The following SEMA4F variants were observed in gnomAD, a reference collection of about 807,000 sequenced individuals.
SEMA4F encodes the protein semaphorin-4F.
A neutral mutation model predicts 78.4 loss-of-function variants in SEMA4F; 51 were observed. That is an observed-to-expected ratio of 0.65 (90% CI 0.52 to 0.82). SEMA4F has a LOEUF of 0.82. SEMA4F is among the 40% of genes least tolerant of loss of function. The pLI is 0.00. For synonymous variants in SEMA4F, 418 were observed against 408.7 expected (o/e 1.02, Z -0.27); for missense variants, 938 against 1,014.4 (o/e 0.92, Z 1.02).
chr2:74,675,185 C>G lies in SEMA4F; in HGVS notation c.1173C>G (p.Leu391=). ...PGECITNNMK[L]RHFGSSLSLP... is the part of the protein sequence containing the mutation. Reference sequence around the variant, plus strand: ...AGTGCATCACCAACAACATGAAGCTCCGGCACTTTGGCTCATCTCTCTCCC... The same window carrying G: ...AGTGCATCACCAACAACATGAAGCTGCGGCACTTTGGCTCATCTCTCTCCC... The change falls in exon 10 of 14, where the codon CTC becomes CTG. Residue 391 remains leucine (L), a synonymous_variant. Transcript: ENST00000357877. 6.2e-7 allele frequency: 1 copy of G among 1,614,162 alleles called. No homozygotes were observed.
chr2:74,688,614 A>G (rs973931567), downstream of SEMA4F, among the ~76,000 whole-genome samples: 2 of 152,228 alleles, frequency 1.3e-5, no homozygotes, highest in African/African-American at 4.8e-5. Flanking sequence ...ATATTACATT[A>G]TCAATGATCA....
Position 74,679,729 on chromosome 2 carries a change from G to A in SEMA4F, c.1833G>A (p.Arg611=). 1 of 1,614,174 alleles carries A rather than the reference G, an allele frequency of 6.2e-7. No individual in the cohort carries two copies. Among genetic ancestry groups the A allele is most frequent in the Admixed American group, 1.7e-5 (1 of 60,024 alleles). Residue 611 remains arginine, a synonymous_variant, in exon 14 of 14, where the codon CGG becomes CGA. Coordinates refer to ENST00000357877, the MANE Select transcript of SEMA4F (RefSeq NM_004263.5). ...GAGTGACTGCACTCACCCCCCGGCG[G>A]GATGGACTGGAGGTGGTGGTGACCC... ...PSGVTALTPR[R]DGLEVVVTPG... is the part of the protein sequence containing the mutation.
In SEMA4F at chr2:74,675,520, C is replaced by T; in HGVS notation, c.1373-5C>T. 1 of 1,612,840 alleles carries T rather than the reference C, an allele frequency of 6.2e-7. No homozygotes were observed. The highest frequency in any genetic ancestry group is 8.5e-7 in the Non-Finnish European group (1 of 1,178,812). ...AATTATTCTTGTTCCTTTCCTGTCC[C>T]CTAGAGGATGGACACCTCCACCGAG... On this transcript the variant is annotated splice_polypyrimidine_tract_variant and splice_region_variant and intron_variant, in intron 10 of 13. Transcript: ENST00000357877.
At chr2:74,674,838 G>T (rs1217876532) in intron 8 of SEMA4F, 50 bp from the exon 9 acceptor site, 2 of 1,593,866 alleles carry the variant, frequency 1.3e-6, no homozygotes, top group Non-Finnish European at 1.7e-6. Context: ...GGGATGAGTT[G>T]CTATCCCCCA....
chr2:74,690,272 T>A, the SEMA4F span, among the ~76,000 whole-genome samples: 1 of 152,234 alleles, frequency 6.6e-6, no homozygotes, highest in Non-Finnish European at 1.5e-5. Flanking sequence ...GATAATGTAT[T>A]TCCACTGTTA....
Position 74,679,262 on chromosome 2 carries a change from T to G in SEMA4F, c.1644-14T>G. 6.2e-7 allele frequency: 1 copy of G among 1,606,182 alleles called. No homozygotes were observed. Among genetic ancestry groups the G allele is most frequent in the South Asian group, 1.1e-5 (1 of 90,876 alleles). ...TGTTCACACTGGATTTACCAAGCAT[T>G]CTCTTCTTTATAGGTTGGTCCAAGA... On this transcript the variant is annotated splice_polypyrimidine_tract_variant and intron_variant, in intron 12 of 13. Transcript: ENST00000357877.
chr2:74,690,337 A>C, the SEMA4F span, among the ~76,000 whole-genome samples: 8 of 152,244 alleles, frequency 5.3e-5, no homozygotes, highest in South Asian at 1.5e-3. Flanking sequence ...ACCCCTGATG[A>C]GGGGTTTTAC....
chr2:74,671,200 T>C (rs1684967484), intron 5 of SEMA4F, among the ~76,000 whole-genome samples: 1 of 152,196 alleles, frequency 6.6e-6, no homozygotes, highest in Non-Finnish European at 1.5e-5. Context: ...CTTTTTATAA[T>C]TGCAAATAAT....
At chr2:74,692,921 G>T in the SEMA4F span, among the ~76,000 whole-genome samples, 4 of 152,180 alleles carry the variant, frequency 2.6e-5, no homozygotes, top group Non-Finnish European at 4.4e-5. Flanking sequence ...GTGGGTGAAA[G>T]AAATTTATCT....
At chr2:74,696,442 C>A in the SEMA4F span, among the ~76,000 whole-genome samples, 1 of 152,246 alleles carries the variant, frequency 6.6e-6, no homozygotes, top group Non-Finnish European at 1.5e-5. Context: ...AGGTGATCCA[C>A]CCACCTCGGC....
intron 5 of SEMA4F, among the ~76,000 whole-genome samples, chr2:74,664,288 T>C (rs1684575650): frequency 6.6e-6 from 1 of 152,252 alleles, no homozygotes; most frequent in Non-Finnish European, 1.5e-5. Flanking sequence ...GGCATTTCTA[T>C]ATAATTTAAA....
At chr2:74,696,755 T>A in the SEMA4F span, among the ~76,000 whole-genome samples, 1 of 152,208 alleles carries the variant, frequency 6.6e-6, no homozygotes, top group African/African-American at 2.4e-5. Context: ...AATTAAAATA[T>A]TAAAATGCAT....
chr2:74,661,861 T>C (rs1044276926), intron 4 of SEMA4F, among the ~76,000 whole-genome samples: 2 of 152,226 alleles, frequency 1.3e-5, no homozygotes, highest in African/African-American at 4.8e-5. Flanking sequence ...CGCCAGTTTG[T>C]GAACTAAAGA....
chr2:74,671,513 A>G lies in SEMA4F; in HGVS notation c.551-1944A>G, dbSNP rs28416094. ...TCTTGCTTCTCTGGCCTCTGACTGG[A>G]TCTTCTCAGTTGCCTTTGGTAGCTC... On this transcript the variant is annotated intron_variant, in intron 5 of 13. Transcript: ENST00000357877. 4.6e-3 allele frequency among the ~76,000 whole-genome samples: 697 copies of G among 152,142 alleles called. 6 individuals carry two copies. Among genetic ancestry groups the G allele is most frequent in the African/African-American group, 0.016 (669 of 41,502 alleles).
chr2:74,691,558 C>G, the SEMA4F span, among the ~76,000 whole-genome samples: 1 of 152,312 alleles, frequency 6.6e-6, no homozygotes, highest in East Asian at 1.9e-4. Context: ...CTTTTCCAAA[C>G]CTTGCATGTT....
the SEMA4F span, among the ~76,000 whole-genome samples, chr2:74,694,553 C>A: frequency 6.6e-6 from 1 of 152,182 alleles, no homozygotes; most frequent in African/African-American, 2.4e-5. Flanking sequence ...TTTCCCCCAG[C>A]GTTCCTATTC....
At chr2:74,664,782 C>T (rs1240669023) in intron 5 of SEMA4F, among the ~76,000 whole-genome samples, 1 of 152,140 alleles carries the variant, frequency 6.6e-6, no homozygotes, top group Non-Finnish European at 1.5e-5. Flanking sequence ...ATCCTCTGCT[C>T]ATGTTCTTGG....
At position 74,657,875 on chromosome 2, in the gene SEMA4F, A is replaced by G. The variant is rs1386661150; in HGVS notation, c.380A>G (p.Gln127Arg). 4.3e-6 allele frequency: 7 copies of G among 1,614,218 alleles called. No homozygotes were observed. The highest frequency in any genetic ancestry group is 5.9e-6 in the Non-Finnish European group (7 of 1,180,022). Residue 127 changes from glutamine to arginine, a missense_variant, in exon 4 of 14, where the codon CAG becomes CGG. Physicochemically the swap from Gln to Arg is conservative, Grantham distance 43. Coordinates refer to ENST00000357877, the MANE Select transcript of SEMA4F (RefSeq NM_004263.5). ...KKEDECHNFVQILAIANASHL... is the reference protein window; with the variant it reads ...KKEDECHNFVRILAIANASHL... The stretch of plus-strand genomic sequence containing the variant: ...CAGGACGAATGTCACAATTTTGTCC[A>G]GATTCTCGCCATTGCCAATGCCTCT...
chr2:74,688,129 C>T (rs1685857395), downstream of SEMA4F, among the ~76,000 whole-genome samples: 1 of 152,174 alleles, frequency 6.6e-6, no homozygotes, highest in Non-Finnish European at 1.5e-5. Context: ...TTGCTCAGGT[C>T]ATACAGTTAG....
Sources: allele counts gnomAD v4.1 joint callset (sites outside exome capture counted in the v4.1 genomes callset), GRCh38; gene constraint gnomAD v4.1.1; transcripts MANE v1.5; gene names NCBI Gene and HGNC (gene_info 2026-07-23, HGNC 2026-07-21).